WASHC2C: variants seen among roughly 807,000 people sequenced by gnomAD.
The protein encoded by WASHC2C is WASH complex subunit 2C.
In WASHC2C, 73 loss-of-function variants were observed where a neutral mutation model predicts 142.2. That is an observed-to-expected ratio of 0.51 (90% CI 0.43 to 0.62). The LOEUF is 0.62. Among genes scored for constraint, WASHC2C ranks in the 20% least tolerant of loss-of-function variants. WASHC2C has a pLI of 0.00. For synonymous variants in WASHC2C, 337 were observed against 565.5 expected, an observed-to-expected ratio of 0.60 and a Z score of 5.73; for missense variants, 969 against 1,531.7, an observed-to-expected ratio of 0.63 and a Z score of 6.13.
chr10:45,779,136 G>A lies in WASHC2C; in HGVS notation c.2478+1G>A, dbSNP rs1255188053. The A allele has an allele frequency of 6.2e-7, 1 of 1,611,724 alleles. No homozygotes were observed. The highest frequency in any genetic ancestry group is 8.5e-7 in the Non-Finnish European group (1 of 1,179,822). On this transcript the variant is annotated splice_donor_variant, in intron 23 of 30. Transcript: ENST00000623400. LOFTEE classifies it high-confidence loss of function. ...GGCTCCACAGAAAGAAGTAGGAAAG[G>A]TAAGCAAAAAGCAGTAGTGGTTCAA...
chr10:45,767,010 T>G (rs2055912170), intron 19 of WASHC2C, among the ~76,000 whole-genome samples: 1 of 152,104 alleles, frequency 6.6e-6, no homozygotes. Flanking sequence ...CTCACGTCTG[T>G]AATCCCAGCA....
At chr10:45,790,013 A>AC in intron 29 of WASHC2C, among the ~76,000 whole-genome samples, 1 of 152,258 alleles carries the variant, frequency 6.6e-6, no homozygotes, top group Non-Finnish European at 1.5e-5. Context: ...CTGGGAAGAT[A>AC]ATCAAATACA....
chr10:45,763,521 T>C, intron 18 of WASHC2C, 32 bp downstream of exon 18: 1 of 614,176 alleles, frequency 1.6e-6, no homozygotes, highest in Non-Finnish European at 3.0e-6. Context: ...CTAGATAATT[T>C]AGATTAGGAG....
chr10:45,748,283 C>T (rs1403431445), intron 8 of WASHC2C, among the ~76,000 whole-genome samples: 15 of 57,194 alleles, frequency 2.6e-4, no homozygotes, highest in South Asian at 6.6e-4. Flanking sequence ...TTTTTCTTTC[C>T]TTTTTTTTTT....
In WASHC2C at chr10:45,737,988, A is replaced by G. The variant is rs2051479260; in HGVS notation, c.297A>G (p.Val99=). The G allele has an allele frequency of 6.2e-7, 1 of 1,611,658 alleles. No homozygotes were observed. Among genetic ancestry groups the G allele is most frequent in the Admixed American group, 1.7e-5 (1 of 59,974 alleles). The change falls in exon 4 of 31, where the codon GTA becomes GTG. Residue 99 remains valine (V), a synonymous_variant. Transcript: ENST00000623400. ...GAGTTTGCTTCCATATTTAGCGTGT[A>G]TATGATGAAGAAGTGGAGGAGCCAG... ...LSNTQFIENR[V]YDEEVEEPVL...
chr10:45,781,373 T>G (rs1444982598), intron 23 of WASHC2C, among the ~76,000 whole-genome samples: 1 of 152,158 alleles, frequency 6.6e-6, no homozygotes, highest in Non-Finnish European at 1.5e-5. Flanking sequence ...CCTAAAATTT[T>G]TATGGAACTG....
chr10:45,786,757 C>G (rs1192927845), intron 27 of WASHC2C, 83 bp downstream of exon 27: 1 of 1,608,584 alleles, frequency 6.2e-7, no homozygotes, highest in Non-Finnish European at 8.5e-7. Context: ...TCAGCTGCTG[C>G]CAAACATCTT....
At position 45,786,790 on chromosome 10, in the gene WASHC2C, C is replaced by A. The variant is rs557541285; in HGVS notation, c.2874+116C>A. On this transcript the variant is annotated intron_variant, in intron 27 of 30. Coordinates refer to ENST00000623400, the MANE Select transcript of WASHC2C (RefSeq NM_001330074.2). ...CTTCTCATCTCTTCCCCCGCCTCCC[C>A]TCCCCTGCACCTAGTTGTTGTCTCC... 21 of 1,579,308 alleles carry A rather than the reference C, an allele frequency of 1.3e-5. No individual in the cohort carries two copies. The East Asian group carries it at 4.3e-4, about 32-fold the overall frequency.
rs2056358195 is a variant in WASHC2C at position 45,769,573 on chromosome 10, T to C, written c.1994T>C (p.Phe665Ser). 3 of 1,611,886 alleles carry C rather than the reference T, an allele frequency of 1.9e-6. No homozygotes were observed. Among genetic ancestry groups the C allele is most frequent in the Non-Finnish European group, 1.7e-6 (2 of 1,179,848 alleles). The part of the protein sequence containing the change: ...EAKAVKKTSL[F>S]EEDKEDDLFA... ...AAGGCTGTGAAAAAGACCAGTCTCT[T>C]TGAGGAAGACAAAGAAGATGATCTT... The change falls in exon 20 of 31, where the codon TTT (phenylalanine) becomes TCT (serine). Residue 665 changes from phenylalanine (F) to serine (S), a missense_variant. Transcript: ENST00000623400.
At chr10:45,736,830 A>C (rs2051335901) in intron 3 of WASHC2C, among the ~76,000 whole-genome samples, 1 of 152,034 alleles carries the variant, frequency 6.6e-6, no homozygotes, top group African/African-American at 2.4e-5. Context: ...TTCACATACC[A>C]TAAAATTCAG....
chr10:45,752,674 G>A lies in WASHC2C; in HGVS notation c.1090G>A (p.Gly364Ser), dbSNP rs369676151. The change falls in exon 12 of 31, where the codon GGC (glycine) becomes AGC (serine). Residue 364 changes from glycine (G) to serine (S), a missense_variant. Coordinates refer to ENST00000623400, the MANE Select transcript of WASHC2C (RefSeq NM_001330074.2). ...FGSGGGLFSG[G>S]KGLFDDEDEE... ...CTCTGGAGGTGGCCTGTTCAGTGGC[G>A]GCAAGGGGCTATTTGATGATGAGGA... 176 of 1,609,436 alleles carry A rather than the reference G, an allele frequency of 1.1e-4. 7 individuals carry two copies. In the African/African-American group the frequency reaches 2.2e-3, roughly 20 times the overall value.
rs1470949105 is a variant in WASHC2C at position 45,792,311 on chromosome 10, C to T, written c.3937C>T (p.Arg1313Ter). The T allele has an allele frequency of 1.2e-5, 19 of 1,560,212 alleles. 5 individuals carry two copies. In the African/African-American group the frequency reaches 1.6e-4, roughly 13 times the overall value. Residue 1313 changes from arginine (R) to a stop codon, truncating the protein, a stop_gained, in exon 31 of 31, where the codon CGA (arginine) becomes TGA (stop). Transcript: ENST00000623400. LOFTEE classifies it high-confidence loss of function. ...IQAKTTKPKS[R>*]SAQAAPEPRF... ...GGCTAAGACAACCAAACCAAAAAGCCGATCTGCACAGGCCGCACCTGAACC... is the reference window on the plus strand; with the variant it reads ...GGCTAAGACAACCAAACCAAAAAGCTGATCTGCACAGGCCGCACCTGAACC...
chr10:45,784,342 T>C, intron 23 of WASHC2C, among the ~76,000 whole-genome samples: 1 of 127,360 alleles, frequency 7.9e-6, no homozygotes, highest in Non-Finnish European at 1.7e-5. Context: ...ATGTAAACTT[T>C]GTATTTATAA....
At chr10:45,784,289 TACAC>T (rs1213117183) in intron 23 of WASHC2C, among the ~76,000 whole-genome samples, 1,162 of 17,236 alleles carry the variant, frequency 0.067, 17 homozygotes, top group Middle Eastern at 0.19. Flanking sequence ...TATATATATA[TACAC>T]ATATATATAT....
rs570674907 is a variant in WASHC2C, at chr10:45,783,908, C to T, written c.2479-657C>T. ...CTAGTAAACAAAAAAGGGACTCACT[C>T]GGGGTCTGAAAGTAGGGCAGAAGTG... On this transcript the variant is annotated intron_variant, in intron 23 of 30. Coordinates refer to ENST00000623400, the MANE Select transcript of WASHC2C (RefSeq NM_001330074.2). Among the ~76,000 whole-genome samples the T allele has an allele frequency of 3.3e-4, 50 of 152,100 alleles. 1 individual carries two copies. Among genetic ancestry groups the T allele is most frequent in the Admixed American group, 7.9e-4 (12 of 15,280 alleles).
chr10:45,742,877 CTTTTTTTTT>C (rs1227719013), intron 5 of WASHC2C, among the ~76,000 whole-genome samples: 3 of 96,074 alleles, frequency 3.1e-5, no homozygotes, highest in African/African-American at 1.4e-4. Flanking sequence ...CATCTTTTTT[CTTTTTTTTT>C]TTTTTTGAGA....
upstream of WASHC2C, chr10:45,727,229 G>C: frequency 6.6e-7 from 1 of 1,517,246 alleles, no homozygotes; most frequent in Non-Finnish European, 8.8e-7. Flanking sequence ...GTCACGCCCC[G>C]GGCAGCTTGG....
intron 23 of WASHC2C, among the ~76,000 whole-genome samples, chr10:45,783,505 A>G (rs2057679251): frequency 6.6e-6 from 1 of 152,088 alleles, no homozygotes; most frequent in Non-Finnish European, 1.5e-5. Context: ...TGTGTTGCCC[A>G]GGCTGGAGTG....
chr10:45,785,496 T>C lies in WASHC2C; in HGVS notation c.2689-13T>C. On this transcript the variant is annotated splice_polypyrimidine_tract_variant and intron_variant, in intron 25 of 30. Coordinates refer to ENST00000623400, the MANE Select transcript of WASHC2C (RefSeq NM_001330074.2). ...ATATTTGATGCCTTTTTGGTATTTT[T>C]TTTCTTTTGAAGGTACAAGAGAAAA... The C allele has an allele frequency of 2.5e-6, 4 of 1,612,284 alleles. No homozygotes were observed. Among genetic ancestry groups the C allele is most frequent in the Non-Finnish European group, 3.4e-6 (4 of 1,179,552 alleles).
Sources: gnomAD v4.1 joint callset for allele counts (sites outside exome capture counted in the v4.1 genomes callset) on GRCh38, gnomAD v4.1.1 for gene constraint, MANE v1.5 for transcripts, NCBI Gene and HGNC (gene_info 2026-07-23, HGNC 2026-07-21) for gene names.